The following SASH1 variants were observed in gnomAD, a reference collection of about 807,000 sequenced individuals.
SASH1 encodes SAM and SH3 domain-containing protein 1.
In SASH1, 44 loss-of-function variants were observed where a neutral mutation model predicts 125.2. That is an observed-to-expected ratio of 0.35 (90% CI 0.28 to 0.45). The LOEUF (loss-of-function observed/expected upper bound fraction) is 0.45, where lower values mean the gene tolerates loss of function less well. Ranked by LOEUF, SASH1 falls within the 20% of genes least tolerant of loss-of-function variation. SASH1 has a pLI of 1.00. For missense variants in SASH1, 1,426 were observed against 1,614.5 expected (o/e 0.88, Z 2.00); for synonymous variants, 639 against 649.1 (o/e 0.98, Z 0.24).
chr6:148,330,876 G>A (rs553898382), intron 1 of SASH1, among the ~76,000 whole-genome samples: 6 of 152,268 alleles, frequency 3.9e-5, no homozygotes, highest in East Asian at 3.9e-4. Context: ...GTGAGCTACC[G>A]TGCCTGGCCC....
chr6:148,222,352 G>A, the SASH1 span, among the ~76,000 whole-genome samples: 8 of 152,130 alleles, frequency 5.3e-5, no homozygotes, highest in East Asian at 1.2e-3. Flanking sequence ...TGAATGAAGC[G>A]ATTCCTGAGG....
At chr6:148,334,683 G>A (rs1261802439) in intron 1 of SASH1, among the ~76,000 whole-genome samples, 1 of 151,490 alleles carries the variant, frequency 6.6e-6, no homozygotes. Context: ...GTGGTGGCAC[G>A]CGCGTGTAAT....
chr6:148,418,792 A>G (rs1014969184), intron 2 of SASH1, among the ~76,000 whole-genome samples: 1 of 151,218 alleles, frequency 6.6e-6, no homozygotes, highest in South Asian at 2.1e-4. Flanking sequence ...GGATCAGGGA[A>G]GGCCCAGGAG....
chr6:148,518,790 G>A (rs1450242142), intron 9 of SASH1, among the ~76,000 whole-genome samples: 1 of 152,168 alleles, frequency 6.6e-6, no homozygotes, highest in East Asian at 1.9e-4. Flanking sequence ...CCGGGCTCTG[G>A]AGGGCTTGGC....
intron 7 of SASH1, 21 bp from the exon 8 acceptor site, chr6:148,487,593 A>T (rs185755992): frequency 6.3e-7 from 1 of 1,579,420 alleles, no homozygotes; most frequent in East Asian, 2.3e-5. Context: ...CCATTTCAGT[A>T]TCCATTTCTT....
chr6:148,382,227 T>C (rs1783168504), intron 1 of SASH1, among the ~76,000 whole-genome samples: 1 of 152,154 alleles, frequency 6.6e-6, no homozygotes, highest in African/African-American at 2.4e-5. Context: ...TGAGACAGCA[T>C]CTGAACCCAC....
upstream of SASH1, among the ~76,000 whole-genome samples, chr6:148,341,232 G>A (rs897109818): frequency 4.6e-5 from 7 of 151,672 alleles, no homozygotes; most frequent in African/African-American, 1.5e-4. Context: ...TGTAACCTTC[G>A]CCTCCTGGGT....
the SASH1 span, among the ~76,000 whole-genome samples, chr6:148,208,356 T>C: frequency 1.3e-5 from 2 of 152,184 alleles, no homozygotes; most frequent in African/African-American, 2.4e-5. Context: ...TCTCCCTCCA[T>C]TGGCATTGTT....
At chr6:148,259,258 A>T in the SASH1 span, among the ~76,000 whole-genome samples, 1 of 152,202 alleles carries the variant, frequency 6.6e-6, no homozygotes, top group African/African-American at 2.4e-5. Context: ...CCTCACACTC[A>T]AGGCATTCAG....
chr6:148,412,688 G>A (rs1784675129), intron 2 of SASH1, among the ~76,000 whole-genome samples: 1 of 152,152 alleles, frequency 6.6e-6, no homozygotes, highest in Non-Finnish European at 1.5e-5. Flanking sequence ...TCATTACCAT[G>A]GGGAGGGCAG....
chr6:148,404,485 G>A (rs1195760709), intron 2 of SASH1, among the ~76,000 whole-genome samples: 1 of 151,776 alleles, frequency 6.6e-6, no homozygotes, highest in East Asian at 1.9e-4. Flanking sequence ...ATAAAAACCG[G>A]TACAATAGAA....
upstream of SASH1, among the ~76,000 whole-genome samples, chr6:148,268,680 T>C (rs1778995153): frequency 6.6e-6 from 1 of 152,234 alleles, no homozygotes; most frequent in Admixed American, 6.5e-5. Flanking sequence ...TAGTTAACCT[T>C]AAAATATTTT....
intron 2 of SASH1, among the ~76,000 whole-genome samples, chr6:148,436,288 C>T (rs536885527): frequency 4.6e-5 from 7 of 152,138 alleles, no homozygotes; most frequent in African/African-American, 9.6e-5. Context: ...CCCAGGAGTT[C>T]GAGACCAGCC....
At chr6:148,515,985 C>G (rs1450288632) in intron 9 of SASH1, among the ~76,000 whole-genome samples, 3 of 152,158 alleles carry the variant, frequency 2.0e-5, no homozygotes, top group African/African-American at 7.2e-5. Flanking sequence ...GTTAAAGCAG[C>G]CTTTCCACTA....
At chr6:148,243,553 G>A in the SASH1 span, among the ~76,000 whole-genome samples, 1 of 145,280 alleles carries the variant, frequency 6.9e-6, no homozygotes, top group East Asian at 2.0e-4. Flanking sequence ...TGAGGCAGGA[G>A]AATCGCTTAA....
chr6:148,370,594 T>C (rs1289306399), intron 1 of SASH1, among the ~76,000 whole-genome samples: 1 of 151,982 alleles, frequency 6.6e-6, no homozygotes, highest in Non-Finnish European at 1.5e-5. Flanking sequence ...GAAGCCAAGG[T>C]GGGCAGATCA....
At chr6:148,536,433 G>A (rs576628710) in intron 16 of SASH1, among the ~76,000 whole-genome samples, 2 of 152,116 alleles carry the variant, frequency 1.3e-5, no homozygotes, top group Non-Finnish European at 2.9e-5. Context: ...TCCGCCTCCC[G>A]GGTTCAAGCA....
Position 148,302,678 on chromosome 6 carries a change from CACGG to C in SASH1, n.74+30303_74+30306del, listed in dbSNP as rs200609738. 0.026 allele frequency among the ~76,000 whole-genome samples: 1,097 copies of C among 41,680 alleles called. 102 individuals carry two copies. The East Asian group carries it at 0.32, about 12-fold the overall frequency. The allele number at this position is 41,680 out of a possible 152,430, so 27.3% of individuals were successfully genotyped here. A position where few individuals can be genotyped will look rare whatever the true frequency, so the allele number is the denominator to read the frequency against. On this transcript the variant is annotated intron_variant and non_coding_transcript_variant, in intron 1 of 3. Coordinates refer to the SASH1 transcript ENST00000367469. ...GTATATATATACACACACACACACA[CACGG>C]AGAAATATATATATACACACTGTGT... is the stretch of plus-strand genomic sequence containing the variant.
upstream of SASH1, among the ~76,000 whole-genome samples, chr6:148,341,100 A>C (rs1229744382): frequency 6.6e-6 from 1 of 152,274 alleles, no homozygotes; most frequent in South Asian, 2.1e-4. Context: ...GCAGCACTGC[A>C]CTGCCGGGGT....
Sources: gnomAD v4.1 joint callset for allele counts (sites outside exome capture counted in the v4.1 genomes callset) on GRCh38, gnomAD v4.1.1 for gene constraint, MANE v1.5 for transcripts, NCBI Gene and HGNC (gene_info 2026-07-23, HGNC 2026-07-21) for gene names.